The following TOP3A variants were observed in gnomAD, a reference collection of about 807,000 sequenced individuals.
TOP3A encodes DNA topoisomerase 3-alpha.
Under a neutral mutation model 111.3 loss-of-function variants are expected in TOP3A, and 64 were observed. That is an observed-to-expected ratio of 0.57 (90% CI 0.47 to 0.71). The LOEUF is 0.71. Among genes scored for constraint, TOP3A ranks in the 30% least tolerant of loss-of-function variants. The probability of loss-of-function intolerance (pLI) is 0.00; values close to 1 mark genes in which losing one functional copy is unlikely to be tolerated. For missense variants in TOP3A, 1,104 were observed against 1,285.0 expected, an observed-to-expected ratio of 0.86 and a Z score of 2.15; for synonymous variants, 484 against 485.1, an observed-to-expected ratio of 1.00 and a Z score of 0.03.
Position 18,274,087 on chromosome 17 carries a change from C to G in TOP3A, c.*715G>C, listed in dbSNP as rs1187796878. 4 of 152,316 alleles carry G rather than the reference C, an allele frequency of 2.6e-5. No homozygotes were observed. Among genetic ancestry groups the G allele is most frequent in the African/African-American group, 7.2e-5 (3 of 41,550 alleles). 9.4% of individuals were successfully genotyped at this position (152,316 alleles called of 1,614,324 possible). ...GAGTAGCCGGGTCTACAGGCGCACA[C>G]CGCCACACCTGGCTAATTTTTTGTA... On this transcript the variant is annotated 3_prime_UTR_variant, in exon 19 of 19. Coordinates refer to ENST00000321105, the MANE Select transcript of TOP3A (RefSeq NM_004618.5).
chr17:18,278,554 A>G (rs1979555943), intron 17 of TOP3A, among the ~76,000 whole-genome samples, 197 bp from the exon 18 acceptor site: 2 of 152,188 alleles, frequency 1.3e-5, no homozygotes, highest in Admixed American at 6.5e-5. Flanking sequence ...ACAGTGGGAA[A>G]CAGTGCAGAT....
intron 10 of TOP3A, among the ~76,000 whole-genome samples, chr17:18,293,500 C>A (rs1276045272): frequency 1.3e-5 from 2 of 148,774 alleles, no homozygotes; most frequent in East Asian, 4.0e-4. Flanking sequence ...TTGCTCAGGT[C>A]GGTCTTGAAC....
intron 1 of TOP3A, among the ~76,000 whole-genome samples, chr17:18,310,187 G>A (rs974553102): frequency 2.0e-5 from 3 of 152,070 alleles, no homozygotes; most frequent in African/African-American, 7.2e-5. Flanking sequence ...AGCACTTTGG[G>A]AGGCTGAGGT....
At position 18,277,801 on chromosome 17, in the gene TOP3A, G is replaced by C. The variant is rs373298315; in HGVS notation, c.2701C>G (p.Gln901Glu). 5.6e-6 allele frequency: 9 copies of C among 1,614,074 alleles called. No homozygotes were observed. The highest frequency in any genetic ancestry group is 7.6e-6 in the Non-Finnish European group (9 of 1,180,046). The part of the protein sequence containing the change: ...SGSGTSCLCS[Q>E]PSVTRTVQKD... ...TGCACAGTCCGTGTGACGGAGGGCT[G>C]GCTGCAAAGGCAGGATGTGCCACTA... The change falls in exon 18 of 19, where the codon CAG (glutamine) becomes GAG (glutamate). Residue 901 changes from glutamine (Q) to glutamate (E), a missense_variant. By Grantham distance (29) the Gln-to-Glu change is conservative. Coordinates refer to ENST00000321105, the MANE Select transcript of TOP3A (RefSeq NM_004618.5).
At position 18,285,495 on chromosome 17, in the gene TOP3A, G is replaced by A; in HGVS notation, c.1623C>T (p.His541=). The change falls in exon 14 of 19, where the codon CAC becomes CAT. Residue 541 remains histidine (H), a synonymous_variant. Coordinates refer to ENST00000321105, the MANE Select transcript of TOP3A (RefSeq NM_004618.5). ...GIGTDATHAE[H]IETIKARMYV... ...ACATCCGGGCTTTGATGGTCTCGATGTGCTCCGCATGAGTGGCATCCGTAC... is the reference window on the plus strand; with the variant it reads ...ACATCCGGGCTTTGATGGTCTCGATATGCTCCGCATGAGTGGCATCCGTAC... 6.2e-7 allele frequency: 1 copy of A among 1,614,044 alleles called. No individual in the cohort carries two copies. The highest frequency in any genetic ancestry group is 8.5e-7 in the Non-Finnish European group (1 of 1,180,026).
chr17:18,271,927 G>T lies in TOP3A; in HGVS notation c.*2875C>A. On this transcript the variant is annotated 3_prime_UTR_variant, in exon 19 of 19. Transcript: ENST00000321105. ...AAAATACTAAACAAATTAGCTGGGTGTGGAGGCAGATGCCTGTAATTCCAG... is the reference window on the plus strand; with the variant it reads ...AAAATACTAAACAAATTAGCTGGGTTTGGAGGCAGATGCCTGTAATTCCAG... 3.3e-6 allele frequency: 1 copy of T among 304,916 alleles called. No homozygotes were observed. The highest frequency in any genetic ancestry group is 2.4e-5 in the South Asian group (1 of 41,888). 18.9% of individuals were successfully genotyped at this position (304,916 alleles called of 1,614,324 possible).
At chr17:18,309,697 T>C (rs1287972857) in intron 1 of TOP3A, among the ~76,000 whole-genome samples, 1 of 150,654 alleles carries the variant, frequency 6.6e-6, no homozygotes, top group Non-Finnish European at 1.5e-5. Flanking sequence ...TACATGAAAG[T>C]CTATAGAAGT....
rs766563194 is a variant in TOP3A, at chr17:18,278,035, T to C, written c.2467A>G (p.Thr823Ala). 4 of 1,614,062 alleles carry C rather than the reference T, an allele frequency of 2.5e-6. 1 individual carries two copies. In the South Asian group the frequency reaches 4.4e-5, roughly 18 times the overall value. The change falls in exon 18 of 19, where the codon ACT becomes GCT. Residue 823 changes from threonine (T) to alanine (A), a missense_variant. Thr to Ala is a moderately conservative substitution (Grantham distance 58, BLOSUM62 0). Coordinates refer to ENST00000321105, the MANE Select transcript of TOP3A (RefSeq NM_004618.5). ...CNCGQEAVLL[T>A]VRKEGPNRGR... ...CGGTTGGGGCCCTCCTTACGGACAG[T>C]GAGCAGCACAGCCTCCTGGCCACAG...
At chr17:18,298,492 G>A (rs933209320) in intron 9 of TOP3A, among the ~76,000 whole-genome samples, 4 of 149,450 alleles carry the variant, frequency 2.7e-5, no homozygotes, top group Admixed American at 6.6e-5. Flanking sequence ...GCCTCTGCCC[G>A]GCTGCCCCTA....
At chr17:18,282,910 C>T in intron 15 of TOP3A, 69 bp from the exon 16 acceptor site, 1 of 1,590,650 alleles carries the variant, frequency 6.3e-7, no homozygotes, top group Non-Finnish European at 8.6e-7. Flanking sequence ...AACACTCTTA[C>T]ATGCACACAA....
At chr17:18,305,065 T>A (rs1418737001) in intron 5 of TOP3A, 47 bp downstream of exon 5, 1 of 1,504,910 alleles carries the variant, frequency 6.6e-7, no homozygotes, top group Non-Finnish European at 9.3e-7. Context: ...ACACTCTATT[T>A]ATGGAGTTCC....
intron 1 of TOP3A, among the ~76,000 whole-genome samples, 199 bp downstream of exon 1, chr17:18,314,400 T>C (rs1427605876): frequency 6.6e-6 from 1 of 151,758 alleles, no homozygotes; most frequent in Non-Finnish European, 1.5e-5. Flanking sequence ...CGCAAATGAG[T>C]GAGATGTATC....
intron 13 of TOP3A, among the ~76,000 whole-genome samples, chr17:18,287,857 G>A (rs1371455624): frequency 2.0e-5 from 3 of 151,486 alleles, no homozygotes; most frequent in Non-Finnish European, 2.9e-5. Flanking sequence ...AATTAGCTGG[G>A]TGTGGTGGTG....
At chr17:18,285,075 G>A in intron 15 of TOP3A, 67 bp downstream of exon 15, 1 of 1,562,820 alleles carries the variant, frequency 6.4e-7, no homozygotes, top group South Asian at 1.1e-5. Context: ...GATCTCTTGA[G>A]GCCAGGAGTT....
chr17:18,297,762 T>G (rs1442044852), intron 9 of TOP3A, among the ~76,000 whole-genome samples: 1 of 152,014 alleles, frequency 6.6e-6, no homozygotes, highest in Non-Finnish European at 1.5e-5. Flanking sequence ...TGGCGTGATC[T>G]CGGCTCGCTA....
intron 17 of TOP3A, among the ~76,000 whole-genome samples, chr17:18,279,931 A>G (rs925461432): frequency 5.3e-5 from 8 of 152,014 alleles, no homozygotes; most frequent in Non-Finnish European, 1.2e-4. Context: ...TGGGTGGATC[A>G]CTTGGGGCCA....
At chr17:18,287,535 AAAAC>A (rs752385281) in intron 13 of TOP3A, among the ~76,000 whole-genome samples, 32 of 151,704 alleles carry the variant, frequency 2.1e-4, no homozygotes, top group South Asian at 1.5e-3. Context: ...CAAACAAAAC[AAAAC>A]AAACAAACAA....
intron 5 of TOP3A, 46 bp downstream of exon 5, chr17:18,305,066 A>T: frequency 6.7e-7 from 1 of 1,489,810 alleles, no homozygotes. Flanking sequence ...CACTCTATTT[A>T]TGGAGTTCCA....
chr17:18,305,472 TCTAACACACACACACGCGCG>T (rs1400274466), intron 4 of TOP3A, among the ~76,000 whole-genome samples: 1 of 77,140 alleles, frequency 1.3e-5, no homozygotes, highest in Non-Finnish European at 2.6e-5. Flanking sequence ...GAAATTCAGC[TCTAACACACACACACGCGCG>T]CGCGCGCGCG....
Sources: gnomAD v4.1 joint callset for allele counts (sites outside exome capture counted in the v4.1 genomes callset) on GRCh38, gnomAD v4.1.1 for gene constraint, MANE v1.5 for transcripts, NCBI Gene and HGNC (gene_info 2026-07-23, HGNC 2026-07-21) for gene names.